SPIRE1: variants seen among roughly 807,000 people sequenced by gnomAD.
The protein encoded by SPIRE1 is spire type actin nucleation factor 1.
In SPIRE1, 40 loss-of-function variants were observed where a neutral mutation model predicts 94.1. The observed-to-expected ratio is 0.43, with a 90% CI of 0.33 to 0.55. SPIRE1 has a LOEUF of 0.55. Among genes scored for constraint, SPIRE1 ranks in the 20% least tolerant of loss-of-function variants. The probability of loss-of-function intolerance (pLI) is 0.06; values close to 1 mark genes in which losing one functional copy is unlikely to be tolerated. For missense variants in SPIRE1, 838 were observed against 975.2 expected (o/e 0.86, Z 1.87); for synonymous variants, 376 against 371.7 (o/e 1.01, Z -0.13).
chr18:12,622,719 G>A (rs1443421539), intron 2 of SPIRE1, among the ~76,000 whole-genome samples: 1 of 152,202 alleles, frequency 6.6e-6, no homozygotes, highest in Non-Finnish European at 1.5e-5. Flanking sequence ...ACTGTGCCCA[G>A]GCCTCAGCTG....
chr18:12,646,143 C>G (rs1248398023), intron 1 of SPIRE1, among the ~76,000 whole-genome samples: 3 of 152,070 alleles, frequency 2.0e-5, no homozygotes, highest in Non-Finnish European at 4.4e-5. Flanking sequence ...CTCTGAGTAC[C>G]ATATAACGTC....
chr18:12,620,586 T>C (rs547304997), intron 2 of SPIRE1, among the ~76,000 whole-genome samples: 99 of 152,286 alleles, frequency 6.5e-4, no homozygotes, highest in Admixed American at 2.3e-3. Flanking sequence ...TGGTGATGTG[T>C]CTATTAGATA....
chr18:12,655,200 C>G (rs1410952207), intron 1 of SPIRE1, among the ~76,000 whole-genome samples: 3 of 149,478 alleles, frequency 2.0e-5, no homozygotes, highest in Non-Finnish European at 4.4e-5. Flanking sequence ...CCTTCAGCAG[C>G]CTGGGCAATA....
chr18:12,578,479 A>T lies in SPIRE1; in HGVS notation c.373-31575T>A, dbSNP rs145310986. Among the ~76,000 whole-genome samples the T allele has an allele frequency of 8.1e-3, 1,240 of 152,350 alleles. 14 individuals are homozygous for T. The highest frequency in any genetic ancestry group is 0.028 in the African/African-American group (1,183 of 41,578). ...ATTCTGTATAGTTCAATTTATATGA[A>T]GTTGGAGCTGGGGGACTGACTGCAC... On this transcript the variant is annotated intron_variant, in intron 2 of 16. Transcript: ENST00000409402.
At chr18:12,568,170 T>C (rs2035865681) in intron 2 of SPIRE1, among the ~76,000 whole-genome samples, 1 of 152,240 alleles carries the variant, frequency 6.6e-6, no homozygotes, top group Non-Finnish European at 1.5e-5. Context: ...CCCTTACTAA[T>C]TTATTTTTCA....
At position 12,639,264 on chromosome 18, in the gene SPIRE1, C is replaced by CA. The variant is rs34966222; in HGVS notation, c.338-4169dup. Among the ~76,000 whole-genome samples, 736 of 144,600 alleles carry CA rather than the reference C, an allele frequency of 5.1e-3. 4 individuals are homozygous for CA. Among genetic ancestry groups the CA allele is most frequent in the African/African-American group, 0.017 (658 of 39,580 alleles). 94.9% of individuals were successfully genotyped at this position (144,600 alleles called of 152,430 possible). On this transcript the variant is annotated intron_variant, in intron 1 of 16. Transcript: ENST00000409402. ...TGGGCGAGACAGCGCCACTCCATCTCAAAAAAAAAAATTCTGGGTGAAGTC... is the reference window on the plus strand; with the variant it reads ...TGGGCGAGACAGCGCCACTCCATCTCAAAAAAAAAAAATTCTGGGTGAAGTC...
chr18:12,451,998 C>A (rs1259295315), intron 16 of SPIRE1, among the ~76,000 whole-genome samples: 1 of 152,100 alleles, frequency 6.6e-6, no homozygotes, highest in Non-Finnish European at 1.5e-5. Context: ...TCTTACAGGA[C>A]ACAGTAAAAC....
At chr18:12,456,331 C>G (rs1242122589) in intron 12 of SPIRE1, among the ~76,000 whole-genome samples, 1 of 152,134 alleles carries the variant, frequency 6.6e-6, no homozygotes, top group African/African-American at 2.4e-5. Context: ...GAGGGTTAGG[C>G]CATTAAAACT....
intron 2 of SPIRE1, among the ~76,000 whole-genome samples, chr18:12,617,503 C>G (rs1002391248): frequency 6.6e-6 from 1 of 151,646 alleles, no homozygotes; most frequent in Non-Finnish European, 1.5e-5. Flanking sequence ...CCTCTGCCCC[C>G]GGGTTCAAGT....
At chr18:12,466,473 C>T (rs1406722989) in intron 10 of SPIRE1, among the ~76,000 whole-genome samples, 1 of 151,774 alleles carries the variant, frequency 6.6e-6, no homozygotes, top group African/African-American at 2.4e-5. Flanking sequence ...GTAGAGATGG[C>T]GTTTCACCAT....
At chr18:12,536,825 C>A (rs140300943) in intron 3 of SPIRE1, among the ~76,000 whole-genome samples, 1 of 152,176 alleles carries the variant, frequency 6.6e-6, no homozygotes, top group Non-Finnish European at 1.5e-5. Context: ...TTTGTATCCA[C>A]GTACAATCAT....
At chr18:12,507,551 T>C (rs2033876887) in intron 5 of SPIRE1, among the ~76,000 whole-genome samples, 1 of 151,694 alleles carries the variant, frequency 6.6e-6, no homozygotes, top group African/African-American at 2.4e-5. Flanking sequence ...ATTCAAAAAT[T>C]AGCTGGGTGT....
At chr18:12,645,718 T>A (rs2038206474) in intron 1 of SPIRE1, among the ~76,000 whole-genome samples, 1 of 152,196 alleles carries the variant, frequency 6.6e-6, no homozygotes, top group South Asian at 2.1e-4. Flanking sequence ...CCCCTACATT[T>A]ATCTTTCTAA....
At chr18:12,586,444 G>A (rs2036393039) in intron 2 of SPIRE1, among the ~76,000 whole-genome samples, 1 of 152,088 alleles carries the variant, frequency 6.6e-6, no homozygotes, top group African/African-American at 2.4e-5. Flanking sequence ...AGATTACCTT[G>A]GTATTCCATA....
At position 12,479,690 on chromosome 18, in the gene SPIRE1, G is replaced by A; in HGVS notation, c.1404+9C>T. ...CTTGGGAGTCAAGCTGGGTGAACTG[G>A]GGCCTCACCTCAGACTCAGAGCTGT... is the stretch of plus-strand genomic sequence containing the variant. On this transcript the variant is annotated intron_variant, in intron 10 of 16. Coordinates refer to ENST00000409402, the MANE Select transcript of SPIRE1 (RefSeq NM_001128626.2). 2 of 1,595,744 alleles carry A rather than the reference G, an allele frequency of 1.3e-6. No individual in the cohort carries two copies. Among genetic ancestry groups the A allele is most frequent in the East Asian group, 2.2e-5 (1 of 44,658 alleles).
chr18:12,466,646 T>C (rs774577854), intron 10 of SPIRE1, among the ~76,000 whole-genome samples: 1 of 152,296 alleles, frequency 6.6e-6, no homozygotes, highest in African/African-American at 2.4e-5. Context: ...CTATGTGAGA[T>C]AGTGAAAATT....
chr18:12,546,702 G>A lies in SPIRE1; in HGVS notation c.575C>T (p.Ala192Val), dbSNP rs2035182026. The change falls in exon 3 of 17, where the codon GCT (alanine) becomes GTT (valine). Residue 192 changes from alanine to valine, a missense_variant. Around this residue, in one of 2 missense-constraint regions of SPIRE1, gnomAD observed 645 missense variants for 804.7 expected, o/e 0.80. Coordinates refer to ENST00000409402, the MANE Select transcript of SPIRE1 (RefSeq NM_001128626.2). ...CATGACATCTCTATATGACCGAATA[G>A]CTGAGATTTTTCTCTTTTCATCTTC... The part of the protein sequence containing the change: ...GDEDEKRKIS[A>V]IRSYRDVMKL... 10 of 1,613,750 alleles carry A rather than the reference G, an allele frequency of 6.2e-6. No homozygotes were observed. The highest frequency in any genetic ancestry group is 8.5e-6 in the Non-Finnish European group (10 of 1,179,884).
At chr18:12,600,573 C>G (rs2144635552) in intron 2 of SPIRE1, among the ~76,000 whole-genome samples, 1 of 152,034 alleles carries the variant, frequency 6.6e-6, no homozygotes, top group South Asian at 2.1e-4. Context: ...TGAAAAAGAA[C>G]AACATTCCAT....
chr18:12,533,969 A>ACACACACACACAC (rs1440306764), intron 4 of SPIRE1, among the ~76,000 whole-genome samples: 1 of 144,738 alleles, frequency 6.9e-6, no homozygotes, highest in African/African-American at 2.5e-5. Context: ...ACACACACAC[A>ACACACACACACAC]ACTTATTTAT....
Sources: allele counts gnomAD v4.1 joint callset (sites outside exome capture counted in the v4.1 genomes callset), GRCh38; gene constraint gnomAD v4.1.1; regional missense constraint gnomAD v4.1.1; transcripts MANE v1.5; gene names NCBI Gene and HGNC (gene_info 2026-07-23, HGNC 2026-07-21).